CERKL: variants seen among roughly 807,000 people sequenced by gnomAD.
The protein encoded by CERKL is CERK like autophagy regulator.
CERKL carries 61 observed loss-of-function variants against 63.4 expected under a neutral mutation model. The observed-to-expected ratio is 0.96, with a 90% CI of 0.78 to 1.19. The LOEUF is 1.19. Ranked by LOEUF, CERKL falls within the 50% of genes most tolerant of loss-of-function variation. The pLI, the probability that CERKL is intolerant of heterozygous loss-of-function variation, is 0.00. For synonymous variants in CERKL, 250 were observed against 230.5 expected (o/e 1.08, Z -0.77); for missense variants, 675 against 655.5 (o/e 1.03, Z -0.33).
intron 3 of CERKL, 56 bp from the exon 4 acceptor site, chr2:181,566,177 CT>C: frequency 7.4e-7 from 1 of 1,348,222 alleles, no homozygotes; most frequent in Non-Finnish European, 1.1e-6. Flanking sequence ...AATGATCACA[CT>C]TTTTAACTTG....
intron 1 of CERKL, among the ~76,000 whole-genome samples, chr2:181,643,240 T>TA (rs1212105737): frequency 1.3e-5 from 2 of 152,204 alleles, no homozygotes; most frequent in African/African-American, 2.4e-5. Flanking sequence ...TGATAGTACT[T>TA]AGAGACAATA....
At chr2:181,553,146 C>G (rs887815646) in intron 5 of CERKL, among the ~76,000 whole-genome samples, 3 of 152,130 alleles carry the variant, frequency 2.0e-5, no homozygotes, top group African/African-American at 7.2e-5. Flanking sequence ...TCTATGGACC[C>G]TAAGTTTTGA....
chr2:181,650,095 GAGGGAGGGAGGGAGGGAGGAAGGA>G (rs1433717159), intron 1 of CERKL: 6 of 66,716 alleles, frequency 9.0e-5, no homozygotes, highest in Non-Finnish European at 1.9e-4. Context: ...GGGAGGGAGG[GAGGGAGGGAGGGAGGGAGGAAGGA>G]AGGAAGGAAG....
intron 2 of CERKL, among the ~76,000 whole-genome samples, chr2:181,581,486 T>G (rs1684508988): frequency 6.6e-6 from 1 of 152,218 alleles, no homozygotes; most frequent in Non-Finnish European, 1.5e-5. Flanking sequence ...CAGTGAATCC[T>G]GTAGTTGACA....
chr2:181,618,663 C>T (rs189131514), intron 1 of CERKL, among the ~76,000 whole-genome samples: 2 of 152,226 alleles, frequency 1.3e-5, no homozygotes, highest in East Asian at 3.9e-4. Context: ...CCACCCGCCT[C>T]GGCCTCGCAT....
chr2:181,574,144 A>C (rs1267929319), intron 2 of CERKL, among the ~76,000 whole-genome samples: 2 of 152,222 alleles, frequency 1.3e-5, no homozygotes, highest in African/African-American at 2.4e-5. Context: ...GATGCAAAAA[A>C]AAGAGGCAAC....
chr2:181,569,305 G>A (rs895386779), intron 3 of CERKL, among the ~76,000 whole-genome samples: 2 of 152,098 alleles, frequency 1.3e-5, no homozygotes, highest in Non-Finnish European at 2.9e-5. Context: ...TTCAGATTTT[G>A]TATTAAAATG....
At position 181,656,950 on chromosome 2, in the gene CERKL, T is replaced by C; in HGVS notation, c.57A>G (p.Glu19=). 2 of 1,585,764 alleles carry C rather than the reference T, an allele frequency of 1.3e-6. No individual in the cohort carries two copies. Among genetic ancestry groups the C allele is most frequent in the Non-Finnish European group, 8.6e-7 (1 of 1,165,844 alleles). ...CAGCGGCAGCCTCCGGGGGCGCCTC[T>C]TCCTCCCGGCCGCCCTCCAGGGCAC... ...RVSALEGGRE[E]EAPPEAAAVP... The change falls in exon 1 of 13, where the codon GAA becomes GAG. Residue 19 remains glutamate, a synonymous_variant. Transcript: ENST00000410087.
At chr2:181,581,369 T>A (rs56140551) in intron 2 of CERKL, among the ~76,000 whole-genome samples, 32,798 of 152,140 alleles carry the variant, frequency 0.22, 4,033 homozygotes, top group African/African-American at 0.34. Flanking sequence ...CACTTCTTGA[T>A]TCATAGACCC....
intron 2 of CERKL, among the ~76,000 whole-genome samples, chr2:181,578,735 T>C (rs1035013919): frequency 6.6e-6 from 1 of 152,044 alleles, no homozygotes; most frequent in African/African-American, 2.4e-5. Flanking sequence ...TCCATATCAC[T>C]ACATAGGATG....
chr2:181,600,652 A>C (rs1357939152), intron 2 of CERKL, among the ~76,000 whole-genome samples: 1 of 152,256 alleles, frequency 6.6e-6, no homozygotes, highest in Non-Finnish European at 1.5e-5. Context: ...ATTCAACCAG[A>C]AGATTTAACT....
chr2:181,651,686 A>G (rs745374269), intron 1 of CERKL, among the ~76,000 whole-genome samples: 2 of 152,196 alleles, frequency 1.3e-5, no homozygotes, highest in Non-Finnish European at 2.9e-5. Flanking sequence ...TGGGCAAGAG[A>G]AAGAAGTAAC....
chr2:181,609,428 G>T (rs913511924), intron 1 of CERKL, among the ~76,000 whole-genome samples: 3 of 149,692 alleles, frequency 2.0e-5, no homozygotes, highest in African/African-American at 7.4e-5. Flanking sequence ...AGGCACAGTG[G>T]CTCACACCTG....
At chr2:181,642,550 T>C (rs752680926) in intron 1 of CERKL, among the ~76,000 whole-genome samples, 2 of 152,222 alleles carry the variant, frequency 1.3e-5, no homozygotes, top group Non-Finnish European at 2.9e-5. Context: ...AGAAACACTT[T>C]CCAGACCTTA....
At chr2:181,590,844 T>C (rs1177294051) in intron 2 of CERKL, among the ~76,000 whole-genome samples, 1 of 152,220 alleles carries the variant, frequency 6.6e-6, no homozygotes, top group East Asian at 1.9e-4. Flanking sequence ...TTAAAAATGA[T>C]ATAAACCCCA....
chr2:181,557,309 C>T (rs1309849338), intron 5 of CERKL, among the ~76,000 whole-genome samples: 1 of 152,070 alleles, frequency 6.6e-6, no homozygotes, highest in Non-Finnish European at 1.5e-5. Context: ...ACACGAAGTC[C>T]TTGCCCATGC....
intron 3 of CERKL, among the ~76,000 whole-genome samples, chr2:181,570,973 T>C (rs1688876946): frequency 6.6e-6 from 1 of 152,158 alleles, no homozygotes; most frequent in South Asian, 2.1e-4. Context: ...TGCTTTACTC[T>C]TCCATATACT....
chr2:181,618,266 A>ATT (rs3060883), intron 1 of CERKL, among the ~76,000 whole-genome samples: 50 of 128,200 alleles, frequency 3.9e-4, no homozygotes, highest in Admixed American at 9.3e-4. Context: ...CTTACACAAT[A>ATT]TTTTTTTTTT....
intron 1 of CERKL, among the ~76,000 whole-genome samples, chr2:181,621,654 C>G (rs1319525292): frequency 2.0e-5 from 3 of 151,888 alleles, no homozygotes. Flanking sequence ...GATAAGAAGC[C>G]AAAACTAAAG....
Sources: allele counts gnomAD v4.1 joint callset (sites outside exome capture counted in the v4.1 genomes callset), GRCh38; gene constraint gnomAD v4.1.1; transcripts MANE v1.5; gene names NCBI Gene and HGNC (gene_info 2026-07-23, HGNC 2026-07-21).